Variants in KCNIP4 observed in about 807,000 individuals in gnomAD.
KCNIP4 encodes Kv channel-interacting protein 4.
KCNIP4 carries 12 observed loss-of-function variants against 34.0 expected under a neutral mutation model. The ratio of observed to expected loss-of-function variants is 0.35; its 90% CI spans 0.23 to 0.57. The LOEUF (loss-of-function observed/expected upper bound fraction) is 0.57, where lower values mean the gene tolerates loss of function less well. KCNIP4 is among the 20% of genes least tolerant of loss of function. The pLI is 0.83. For synonymous variants in KCNIP4, 124 were observed against 102.2 expected, an observed-to-expected ratio of 1.21 and a Z score of -1.29; for missense variants, 238 against 311.7, an observed-to-expected ratio of 0.76 and a Z score of 1.78.
intron 1 of KCNIP4, among the ~76,000 whole-genome samples, chr4:21,588,821 T>A (rs1388383380): frequency 6.6e-6 from 1 of 151,856 alleles, no homozygotes; most frequent in Admixed American, 6.6e-5. Context: ...TTTTTGTATA[T>A]CATAGTATTT....
intron 1 of KCNIP4, among the ~76,000 whole-genome samples, chr4:21,593,114 T>TGC (rs1742349856): frequency 9.9e-6 from 1 of 100,922 alleles, no homozygotes; most frequent in South Asian, 3.4e-4. Context: ...TGTGTGTGTG[T>TGC]GTGTTTGTGT....
At chr4:21,848,573 A>G (rs1724165952) in intron 1 of KCNIP4, 1 of 152,148 alleles carries the variant, frequency 6.6e-6, no homozygotes, top group African/African-American at 2.4e-5. Context: ...AATATCCATA[A>G]AGGCCTAATT....
At chr4:21,782,362 C>T (rs918504734) in intron 1 of KCNIP4, among the ~76,000 whole-genome samples, 3 of 152,144 alleles carry the variant, frequency 2.0e-5, no homozygotes, top group Non-Finnish European at 4.4e-5. Flanking sequence ...TACATCTAGG[C>T]ACTTATGCCA....
intron 1 of KCNIP4, among the ~76,000 whole-genome samples, chr4:21,411,364 GA>G (rs1292505830): frequency 6.6e-6 from 1 of 152,166 alleles, no homozygotes; most frequent in Non-Finnish European, 1.5e-5. Context: ...GTTTGCTTAT[GA>G]AACCCTGGAA....
chr4:21,948,330 A>G (rs1730617841), intron 1 of KCNIP4, among the ~76,000 whole-genome samples: 1 of 152,096 alleles, frequency 6.6e-6, no homozygotes, highest in African/African-American at 2.4e-5. Flanking sequence ...GCCACCGGCG[A>G]GTTTCAAACA....
At chr4:21,094,576 C>A (rs720852) in intron 1 of KCNIP4, among the ~76,000 whole-genome samples, 1 of 152,036 alleles carries the variant, frequency 6.6e-6, no homozygotes, top group Non-Finnish European at 1.5e-5. Flanking sequence ...CAATGAGCCT[C>A]GTCTCCTGAT....
chr4:21,904,625 TTCTAAG>T (rs1369567007), intron 1 of KCNIP4, among the ~76,000 whole-genome samples: 1 of 152,184 alleles, frequency 6.6e-6, no homozygotes, highest in African/African-American at 2.4e-5. Context: ...GACATAAACT[TTCTAAG>T]TCTATTTCCT....
intron 1 of KCNIP4, among the ~76,000 whole-genome samples, chr4:21,174,254 C>T (rs1754233821): frequency 1.3e-5 from 2 of 152,146 alleles, no homozygotes; most frequent in African/African-American, 4.8e-5. Context: ...TCTTTTCTGG[C>T]TGTAGGCTTT....
At chr4:20,864,171 T>C (rs199716567) in intron 2 of KCNIP4, among the ~76,000 whole-genome samples, 8 of 70,474 alleles carry the variant, frequency 1.1e-4, no homozygotes, top group South Asian at 1.1e-3. Flanking sequence ...CATGTATGTA[T>C]ACACATGTAT....
chr4:20,781,724 A>C (rs890389637), intron 3 of KCNIP4, among the ~76,000 whole-genome samples: 1 of 152,168 alleles, frequency 6.6e-6, no homozygotes, highest in Non-Finnish European at 1.5e-5. Flanking sequence ...AGTATAATTC[A>C]AGATGAGATT....
intron 1 of KCNIP4, among the ~76,000 whole-genome samples, chr4:21,204,482 C>T (rs893774735): frequency 2.6e-5 from 4 of 152,224 alleles, no homozygotes; most frequent in South Asian, 2.1e-4. Context: ...GTGGGATTAA[C>T]GTTTAGATGA....
chr4:21,452,052 G>A (rs74872533), intron 1 of KCNIP4, among the ~76,000 whole-genome samples: 1,670 of 151,936 alleles, frequency 0.011, 27 homozygotes, highest in African/African-American at 0.038. Context: ...CCCCAACTCC[G>A]CCTTCCAGAA....
intron 1 of KCNIP4, among the ~76,000 whole-genome samples, chr4:21,370,840 T>TAC (rs1720328061): frequency 3.5e-5 from 1 of 28,428 alleles, no homozygotes; most frequent in Non-Finnish European, 5.5e-5. Flanking sequence ...TATATATATA[T>TAC]ATATATATAT....
chr4:21,001,307 G>C (rs142819616), intron 1 of KCNIP4, among the ~76,000 whole-genome samples: 2,816 of 152,256 alleles, frequency 0.018, 74 homozygotes, highest in African/African-American at 0.059. Context: ...TTGCTTAATT[G>C]CTTATGAAGA....
At chr4:21,233,946 C>CATATAACATATATAACATATATT (rs1172067410) in intron 1 of KCNIP4, among the ~76,000 whole-genome samples, 1 of 125,910 alleles carries the variant, frequency 7.9e-6, no homozygotes, top group Non-Finnish European at 1.6e-5. Flanking sequence ...ATAAATATTA[C>CATATAACATATATAACATATATT]ATATAACATA....
intron 1 of KCNIP4, among the ~76,000 whole-genome samples, chr4:21,306,054 T>C (rs1286615429): frequency 6.6e-6 from 1 of 152,162 alleles, no homozygotes; most frequent in Non-Finnish European, 1.5e-5. Flanking sequence ...TGCTGGATAA[T>C]AAAAGTCATC....
intron 1 of KCNIP4, among the ~76,000 whole-genome samples, chr4:21,916,233 T>C (rs938312863): frequency 6.6e-6 from 1 of 152,242 alleles, no homozygotes; most frequent in South Asian, 2.1e-4. Context: ...TCCAGCATTG[T>C]CCTGTGTGAC....
At chr4:21,134,690 T>C (rs1751363891) in intron 1 of KCNIP4, among the ~76,000 whole-genome samples, 1 of 152,222 alleles carries the variant, frequency 6.6e-6, no homozygotes, top group Non-Finnish European at 1.5e-5. Context: ...AAGATTCCTG[T>C]TCCATTTCCT....
intron 1 of KCNIP4, among the ~76,000 whole-genome samples, chr4:21,326,968 T>C (rs1373687263): frequency 6.6e-6 from 1 of 152,016 alleles, no homozygotes; most frequent in Non-Finnish European, 1.5e-5. Context: ...AAACTTTTTG[T>C]TGTTTCTGTT....
Sources: gnomAD v4.1 joint callset for allele counts (sites outside exome capture counted in the v4.1 genomes callset) on GRCh38, gnomAD v4.1.1 for gene constraint, MANE v1.5 for transcripts, NCBI Gene and HGNC (gene_info 2026-07-23, HGNC 2026-07-21) for gene names.